THRA: variants seen among roughly 807,000 people sequenced by gnomAD.
The protein encoded by THRA is thyroid hormone receptor alpha, also known as EAR-7.
THRA carries 13 observed loss-of-function variants against 45.0 expected under a neutral mutation model. The observed-to-expected ratio is 0.29, with a 90% CI of 0.19 to 0.46. The LOEUF is 0.46. Ranked by LOEUF, THRA falls within the 20% of genes least tolerant of loss-of-function variation. THRA has a pLI of 1.00. For missense variants in THRA, 278 were observed against 556.1 expected, an observed-to-expected ratio of 0.50 and a Z score of 5.03; for synonymous variants, 195 against 214.0, an observed-to-expected ratio of 0.91 and a Z score of 0.78.
In THRA at chr17:40,091,529, C is replaced by T. The variant is rs1987549528; in HGVS notation, c.*2073C>T. On this transcript the variant is annotated 3_prime_UTR_variant, in exon 9 of 9. Coordinates refer to ENST00000450525, the MANE Select transcript of THRA (RefSeq NM_199334.5). ...GGTAGGCCCTCTTGTACCTTCCTACCACGCCTGGGGGCCCAGTGGAATTCC... is the reference window on the plus strand; with the variant it reads ...GGTAGGCCCTCTTGTACCTTCCTACTACGCCTGGGGGCCCAGTGGAATTCC... The T allele has an allele frequency of 6.6e-6, 1 of 152,426 alleles. No homozygotes were observed. The highest frequency in any genetic ancestry group is 2.4e-5 in the African/African-American group (1 of 41,420). The allele number at this position is 152,426 out of a possible 1,614,324, so 9.4% of individuals were successfully genotyped here. A position where few individuals can be genotyped will look rare whatever the true frequency, so the allele number is the denominator to read the frequency against.
intron 4 of THRA, 87 bp downstream of exon 4, chr17:40,077,695 C>A: frequency 9.3e-7 from 1 of 1,079,240 alleles, no homozygotes; most frequent in Non-Finnish European, 1.4e-6. Flanking sequence ...GTTAGGTCAT[C>A]ACTTTTTTTT....
intron 1 of THRA, among the ~76,000 whole-genome samples, chr17:40,067,927 G>A (rs537698450): frequency 3.3e-5 from 5 of 152,336 alleles, no homozygotes; most frequent in East Asian, 1.9e-4. Context: ...GGCTGAGGCC[G>A]GAGGATCGCT....
At chr17:40,073,148 A>C (rs1986836960) in intron 1 of THRA, among the ~76,000 whole-genome samples, 1 of 152,150 alleles carries the variant, frequency 6.6e-6, no homozygotes, top group Non-Finnish European at 1.5e-5. Context: ...CCTATGCAGC[A>C]GCCACGTGAC....
rs141102245 is a variant in THRA at position 40,087,960 on chromosome 17, T to C, written c.724-282T>C. ...TTTAGTAGAGATGGGTTTCACCATG[T>C]ATGTTGGCCAGGCTGGTCTCGAACT... On this transcript the variant is annotated intron_variant, in intron 7 of 8. Coordinates refer to ENST00000450525, the MANE Select transcript of THRA (RefSeq NM_199334.5). Among the ~76,000 whole-genome samples the C allele has an allele frequency of 5.3e-5, 8 of 152,252 alleles. No homozygotes were observed. In the East Asian group the frequency reaches 1.5e-3, roughly 29 times the overall value.
chr17:40,065,549 T>C (rs1432005086), intron 1 of THRA, among the ~76,000 whole-genome samples: 1 of 152,164 alleles, frequency 6.6e-6, no homozygotes, highest in Admixed American at 6.5e-5. Flanking sequence ...ACCCCCGATC[T>C]ACCCCTGTCC....
chr17:40,063,417 G>A (rs575378955), intron 1 of THRA, among the ~76,000 whole-genome samples: 2 of 152,252 alleles, frequency 1.3e-5, no homozygotes, highest in South Asian at 4.1e-4. Flanking sequence ...GGGCCCCGTT[G>A]CCGGCCGCCG....
intron 4 of THRA, 75 bp downstream of exon 4, chr17:40,077,683 C>T: frequency 1.7e-6 from 2 of 1,207,864 alleles, no homozygotes; most frequent in Non-Finnish European, 2.4e-6. Context: ...TAAAGCCCGC[C>T]TGTTAGGTCA....
At position 40,083,856 on chromosome 17, in the gene THRA, CAGA is replaced by C; in HGVS notation, c.249_251del (p.Lys83del). ...CCAGGGCTTCTTTCGCCGCACAATC[CAGA>C]AGAACCTCCATCCCACCTATTCCTG... On this transcript the variant is annotated inframe_deletion, in exon 5 of 9. Transcript: ENST00000450525. 1 of 1,612,298 alleles carries C rather than the reference CAGA, an allele frequency of 6.2e-7. No homozygotes were observed. Among genetic ancestry groups the C allele is most frequent in the Non-Finnish European group, 8.5e-7 (1 of 1,179,054 alleles).
At chr17:40,072,866 C>T (rs1465739199) in intron 1 of THRA, among the ~76,000 whole-genome samples, 7 of 152,178 alleles carry the variant, frequency 4.6e-5, no homozygotes, top group Admixed American at 3.9e-4. Flanking sequence ...CTTGATGGCT[C>T]CCTGGGCTAA....
chr17:40,074,400 T>C lies in THRA; in HGVS notation c.-89T>C, dbSNP rs905518928. The stretch of plus-strand genomic sequence containing the variant: ...GCCCTAGGGCCTGGGTGGCAGGGGG[T>C]GGGTGGCCTGTGGGTGTGCCGGGGG... On this transcript the variant is annotated 5_prime_UTR_variant, in exon 2 of 9. Coordinates refer to ENST00000450525, the MANE Select transcript of THRA (RefSeq NM_199334.5). 1.9e-5 allele frequency: 27 copies of C among 1,423,924 alleles called. No individual in the cohort carries two copies. In the African/African-American group the frequency reaches 3.2e-4, roughly 17 times the overall value. 88.2% of individuals were successfully genotyped at this position (1,423,924 alleles called of 1,614,324 possible). A position where few individuals can be genotyped will look rare whatever the true frequency, so the allele number is the denominator to read the frequency against.
intron 5 of THRA, 132 bp downstream of exon 5, chr17:40,084,114 T>C: frequency 8.8e-7 from 1 of 1,131,934 alleles, no homozygotes; most frequent in Non-Finnish European, 1.2e-6. Flanking sequence ...GTCAGAATGT[T>C]CAGTGTCTTG....
In THRA at chr17:40,065,513, C is replaced by G. The variant is rs1448449175; in HGVS notation, c.-298+2421C>G. On this transcript the variant is annotated intron_variant, in intron 1 of 8. Coordinates refer to ENST00000450525, the MANE Select transcript of THRA (RefSeq NM_199334.5). ...TCTCTCTCCTTGTTTCTCTGCCAGT[C>G]TGTAACTCTCTCTCACCCTGTTGCT... Among the ~76,000 whole-genome samples, 3 of 152,212 alleles carry G rather than the reference C, an allele frequency of 2.0e-5. No individual in the cohort carries two copies. In the East Asian group the frequency reaches 5.8e-4, roughly 29 times the overall value.
At chr17:40,093,703 C>T, downstream of THRA, 1 of 639,124 alleles carries the variant, frequency 1.6e-6, no homozygotes, top group Non-Finnish European at 2.7e-6. This position sits in a 1 kb window ranked among gnomAD's most constrained non-coding sequence, Gnocchi z 5.9. Context: ...TCTGTGCTTC[C>T]TTGGTTCATG....
chr17:40,073,348 G>T (rs1381711886), intron 1 of THRA, among the ~76,000 whole-genome samples: 1 of 152,170 alleles, frequency 6.6e-6, no homozygotes, highest in South Asian at 2.1e-4. Context: ...TAGCATTAGG[G>T]CCAGGCTGTG....
At chr17:40,088,115 C>G (rs1369653050) in intron 7 of THRA, 127 bp from the exon 8 acceptor site, 3 of 1,318,392 alleles carry the variant, frequency 2.3e-6, no homozygotes, top group Non-Finnish European at 3.1e-6. Flanking sequence ...TGGCCCAATA[C>G]AAGGTCAGCC....
intron 1 of THRA, among the ~76,000 whole-genome samples, chr17:40,070,763 C>A (rs1986746164): frequency 6.6e-6 from 1 of 151,980 alleles, no homozygotes; most frequent in African/African-American, 2.4e-5. Context: ...ATTAATAGCC[C>A]ACATGCCAGG....
At chr17:40,093,062 G>T, downstream of THRA, 1 of 1,614,174 alleles carries the variant, frequency 6.2e-7, no homozygotes, top group Non-Finnish European at 8.5e-7. This position sits in a 1 kb window ranked among gnomAD's most constrained non-coding sequence, Gnocchi z 5.9. Flanking sequence ...GGGGGCAGCG[G>T]CAGAAGGCCG....
In THRA at chr17:40,083,865, C is replaced by T. The variant is rs1987231580; in HGVS notation, c.253C>T (p.Leu85Phe). Residue 85 changes from leucine to phenylalanine, a missense_variant, in exon 5 of 9, where the codon CTC becomes TTC. Leu to Phe is a conservative substitution (Grantham distance 22). Around this residue, in one of 6 missense-constraint regions of THRA, gnomAD observed 111 missense variants for 167.1 expected, o/e 0.66. Coordinates refer to ENST00000450525, the MANE Select transcript of THRA (RefSeq NM_199334.5). ...GFFRRTIQKNLHPTYSCKYDS... is the reference protein window; with the variant it reads ...GFFRRTIQKNFHPTYSCKYDS... ...CTTTCGCCGCACAATCCAGAAGAAC[C>T]TCCATCCCACCTATTCCTGCAAATA... The T allele has an allele frequency of 6.2e-7, 1 of 1,613,222 alleles. No homozygotes were observed. Among genetic ancestry groups the T allele is most frequent in the Non-Finnish European group, 8.5e-7 (1 of 1,179,544 alleles).
chr17:40,076,749 G>A, intron 2 of THRA, 122 bp from the exon 3 acceptor site: 1 of 969,224 alleles, frequency 1.0e-6, no homozygotes, highest in South Asian at 1.6e-5. Flanking sequence ...TGGGGGGTGG[G>A]AGGTAGAATG....
Sources: gnomAD v4.1 joint callset for allele counts (sites outside exome capture counted in the v4.1 genomes callset) on GRCh38, gnomAD v4.1.1 for gene constraint, gnomAD v4.1.1 regional missense constraint, Gnocchi (gnomAD v3.1) non-coding constraint, MANE v1.5 for transcripts, NCBI Gene and HGNC (gene_info 2026-07-23, HGNC 2026-07-21) for gene names.